Variants in ADORA2A observed in about 807,000 individuals in gnomAD.
ADORA2A encodes the protein adenosine A2a receptor.
Under a neutral mutation model 18.4 loss-of-function variants are expected in ADORA2A, and 11 were observed. That is an observed-to-expected ratio of 0.60 (90% confidence interval 0.38 to 0.99). The LOEUF (loss-of-function observed/expected upper bound fraction) is 0.99. Ranked by LOEUF, ADORA2A falls within the 50% of genes least tolerant of loss-of-function variation. The probability of loss-of-function intolerance (pLI) is 0.01; values close to 1 mark genes in which losing one functional copy is unlikely to be tolerated. For missense variants in ADORA2A, 449 were observed against 556.1 expected (o/e 0.81, Z 1.94); for synonymous variants, 218 against 237.3 (o/e 0.92, Z 0.75).
In ADORA2A at chr22:24,440,606, C is replaced by T. The variant is rs942698715; in HGVS notation, c.356C>T (p.Thr119Met). Residue 119 changes from threonine to methionine, a missense_variant, in exon 3 of 3, where the codon ACG (threonine) becomes ATG (methionine). Coordinates refer to ENST00000337539, the MANE Select transcript of ADORA2A (RefSeq NM_000675.6). ...PLRYNGLVTG[T>M]RAKGIIAICW... ...AGGTACAATGGCTTGGTGACCGGCA[C>T]GAGGGCTAAGGGCATCATTGCCATC... 22 of 1,569,214 alleles carry T rather than the reference C, an allele frequency of 1.4e-5. No homozygotes were observed. Among genetic ancestry groups the T allele is most frequent in the Admixed American group, 1.2e-4 (7 of 56,286 alleles).
chr22:24,427,052 G>A (rs974255504), upstream of ADORA2A, among the ~76,000 whole-genome samples: 2 of 152,186 alleles, frequency 1.3e-5, no homozygotes, highest in Non-Finnish European at 1.5e-5. Flanking sequence ...TGGTGGAGAG[G>A]CTGCCGGAGC....
chr22:24,435,877 T>G (rs925080877), intron 2 of ADORA2A, among the ~76,000 whole-genome samples: 1 of 152,142 alleles, frequency 6.6e-6, no homozygotes, highest in African/African-American at 2.4e-5. Flanking sequence ...AGGCTTAGGC[T>G]GGTCTCTTCT....
At chr22:24,426,598 C>G (rs1346780247), upstream of ADORA2A, among the ~76,000 whole-genome samples, 1 of 152,084 alleles carries the variant, frequency 6.6e-6, no homozygotes. Context: ...AGCCCCCACA[C>G]AACTGCCCAC....
Position 24,440,916 on chromosome 22 carries a change from G to T in ADORA2A, c.666G>T (p.Arg222=). 1 of 1,614,138 alleles carries T rather than the reference G, an allele frequency of 6.2e-7. No individual in the cohort carries two copies. The highest frequency in any genetic ancestry group is 8.5e-7 in the Non-Finnish European group (1 of 1,180,026). ...ESQPLPGERA[R]STLQKEVHAA... ...AGCCTCTGCCGGGGGAGCGGGCACG[G>T]TCCACACTGCAGAAGGAGGTCCATG... The change falls in exon 3 of 3, where the codon CGG becomes CGT. Residue 222 remains arginine (R), a synonymous_variant. Transcript: ENST00000337539.
chr22:24,439,145 C>A (rs1208428580), intron 2 of ADORA2A: 1 of 126,432 alleles, frequency 7.9e-6, no homozygotes, highest in African/African-American at 3.0e-5. Context: ...AGTGCAGTGG[C>A]GCGATCTTGG....
In ADORA2A at chr22:24,440,792, A is replaced by G; in HGVS notation, c.542A>G (p.Asn181Ser). The G allele has an allele frequency of 6.2e-7, 1 of 1,614,196 alleles. No homozygotes were observed. The highest frequency in any genetic ancestry group is 1.1e-5 in the South Asian group (1 of 91,084). ...CCCATGAACTACATGGTGTACTTCA[A>G]CTTCTTTGCCTGTGTGCTGGTGCCC... The part of the protein sequence containing the change: ...VVPMNYMVYF[N>S]FFACVLVPLL... The change falls in exon 3 of 3, where the codon AAC (asparagine) becomes AGC (serine). Residue 181 changes from asparagine (N) to serine (S), a missense_variant. Coordinates refer to ENST00000337539, the MANE Select transcript of ADORA2A (RefSeq NM_000675.6).
At position 24,441,383 on chromosome 22, in the gene ADORA2A, C is replaced by T. The variant is rs767866615; in HGVS notation, c.1133C>T (p.Thr378Met). The T allele has an allele frequency of 5.1e-6, 8 of 1,571,556 alleles. No individual in the cohort carries two copies. The highest frequency in any genetic ancestry group is 3.7e-5 in the Admixed American group (2 of 54,578). The change falls in exon 3 of 3, where the codon ACG becomes ATG. Residue 378 changes from threonine (T) to methionine (M), a missense_variant. Physicochemically the swap from Thr to Met is moderately conservative, Grantham distance 81. Transcript: ENST00000337539. ...GGSAQESQGN[T>M]GLPDVELLSH... ...AGTGCCCAAGAGTCCCAGGGGAACA[C>T]GGGCCTCCCAGACGTGGAGCTCCTT...
chr22:24,430,741 T>G (rs2043011576), intron 1 of ADORA2A, among the ~76,000 whole-genome samples: 1 of 152,250 alleles, frequency 6.6e-6, no homozygotes, highest in Admixed American at 6.5e-5. Context: ...GAGCGTGGTC[T>G]GGGGCTGCAT....
At chr22:24,429,845 C>T (rs1221624785) in intron 1 of ADORA2A, 1 of 152,330 alleles carries the variant, frequency 6.6e-6, no homozygotes, top group Non-Finnish European at 1.5e-5. Flanking sequence ...GCAGGTGCCC[C>T]CTGGGACGCG....
At chr22:24,436,579 A>G (rs17004919) in intron 2 of ADORA2A, among the ~76,000 whole-genome samples, 6,357 of 152,202 alleles carry the variant, frequency 0.042, 207 homozygotes, top group African/African-American at 0.086. Flanking sequence ...TGAGAGACAC[A>G]GGCTTCTTTT....
rs115605733 is a variant in ADORA2A at position 24,431,747 on chromosome 22, G to C, written c.-274-1384G>C. On this transcript the variant is annotated intron_variant, in intron 1 of 2. Transcript: ENST00000337539. Reference sequence around the variant, plus strand: ...AAAGAGGGGCAATTTAACGGGCAGAGGTCCATTTGGATCCAGACCATTCAC... The same window carrying C: ...AAAGAGGGGCAATTTAACGGGCAGACGTCCATTTGGATCCAGACCATTCAC... The C allele has an allele frequency of 9.3e-3, 3,239 of 348,298 alleles. 111 individuals are homozygous for C. Among genetic ancestry groups the C allele is most frequent in the African/African-American group, 0.065 (3,035 of 46,616 alleles). 21.6% of individuals were successfully genotyped at this position (348,298 alleles called of 1,614,324 possible).
At chr22:24,440,070 C>A (rs915649127) in intron 2 of ADORA2A, among the ~76,000 whole-genome samples, 6 of 152,296 alleles carry the variant, frequency 3.9e-5, no homozygotes, top group Non-Finnish European at 8.8e-5. Context: ...TAGGTCTGAT[C>A]TGGCTGGTGC....
In ADORA2A at chr22:24,441,135, C is replaced by T. The variant is rs17650937; in HGVS notation, c.885C>T (p.Phe295=). ...PFIYAYRIRE[F]RQTFRKIIRS... The stretch of plus-strand genomic sequence containing the variant: ...TCTACGCCTACCGTATCCGCGAGTT[C>T]CGCCAGACCTTCCGCAAGATCATTC... Residue 295 remains phenylalanine, a synonymous_variant, in exon 3 of 3, where the codon TTC becomes TTT. Coordinates refer to ENST00000337539, the MANE Select transcript of ADORA2A (RefSeq NM_000675.6). 7.9e-3 allele frequency: 12,759 copies of T among 1,614,206 alleles called. 73 individuals carry two copies. The highest frequency in any genetic ancestry group is 1.0e-2 in the Non-Finnish European group (11,763 of 1,180,044).
Position 24,441,627 on chromosome 22 carries a change from G to A in ADORA2A, c.*138G>A, listed in dbSNP as rs201491235. The A allele has an allele frequency of 1.5e-5, 13 of 872,936 alleles. No individual in the cohort carries two copies. Among genetic ancestry groups the A allele is most frequent in the Non-Finnish European group, 1.6e-5 (10 of 626,768 alleles). 54.1% of individuals were successfully genotyped at this position (872,936 alleles called of 1,614,324 possible). ...GGTTCCTACTTTGGACTGAGAGAAG[G>A]GAGCCCCAGGCTGGAGCAGCATGAG... On this transcript the variant is annotated 3_prime_UTR_variant, in exon 3 of 3. Coordinates refer to ENST00000337539, the MANE Select transcript of ADORA2A (RefSeq NM_000675.6).
chr22:24,431,911 A>C (rs1329800662), intron 1 of ADORA2A, among the ~76,000 whole-genome samples: 1 of 152,132 alleles, frequency 6.6e-6, no homozygotes, highest in Non-Finnish European at 1.5e-5. Flanking sequence ...CTTCTCATAG[A>C]ATCATGGGTG....
At chr22:24,437,191 G>A (rs890360582) in intron 2 of ADORA2A, among the ~76,000 whole-genome samples, 4 of 152,230 alleles carry the variant, frequency 2.6e-5, no homozygotes, top group African/African-American at 9.6e-5. Flanking sequence ...GAAAGGGGCA[G>A]CCTGCAAGCC....
Position 24,441,265 on chromosome 22 carries a change from A to C in ADORA2A, c.1015A>C (p.Asn339His). The change falls in exon 3 of 3, where the codon AAC (asparagine) becomes CAC (histidine). Residue 339 changes from asparagine (N) to histidine (H), a missense_variant. Transcript: ENST00000337539. ...SDGEQVSLRL[N>H]GHPPGVWANG... ...CGGAGAGCAGGTCAGCCTCCGTCTC[A>C]ACGGCCACCCGCCAGGAGTGTGGGC... 5 of 1,613,304 alleles carry C rather than the reference A, an allele frequency of 3.1e-6. No individual in the cohort carries two copies. The highest frequency in any genetic ancestry group is 4.2e-6 in the Non-Finnish European group (5 of 1,179,866).
At chr22:24,434,499 G>A (rs1228105136) in intron 2 of ADORA2A, among the ~76,000 whole-genome samples, 7 of 152,220 alleles carry the variant, frequency 4.6e-5, no homozygotes, top group African/African-American at 1.7e-4. Flanking sequence ...CACCTACCCA[G>A]GCCATAGATG....
upstream of ADORA2A, among the ~76,000 whole-genome samples, chr22:24,427,173 C>T (rs1601393919): frequency 6.6e-6 from 1 of 152,296 alleles, no homozygotes; most frequent in African/African-American, 2.4e-5. Flanking sequence ...CAGGAGGACT[C>T]GCCTCTGGTC....
Sources: allele counts gnomAD v4.1 joint callset (sites outside exome capture counted in the v4.1 genomes callset), GRCh38; gene constraint gnomAD v4.1.1; transcripts MANE v1.5; gene names NCBI Gene and HGNC (gene_info 2026-07-23, HGNC 2026-07-21).